The following SLC28A3 variants were observed in gnomAD, a reference collection of about 807,000 sequenced individuals.
SLC28A3 encodes the protein solute carrier family 28 member 3.
In SLC28A3, 68 loss-of-function variants were observed where a neutral mutation model predicts 84.2. That is an observed-to-expected ratio of 0.81 (90% CI 0.66 to 0.99). SLC28A3 has a LOEUF of 0.99. SLC28A3 is among the 50% of genes least tolerant of loss of function. SLC28A3 has a pLI of 0.00. For missense variants in SLC28A3, 712 were observed against 841.5 expected, an observed-to-expected ratio of 0.85 and a Z score of 1.90; for synonymous variants, 267 against 303.6, an observed-to-expected ratio of 0.88 and a Z score of 1.25.
chr9:84,309,523 C>CA (rs71366931), intron 3 of SLC28A3, 106 bp downstream of exon 3: 16,144 of 237,710 alleles, frequency 0.068, 628 homozygotes, highest in African/African-American at 0.096. Context: ...ACTCTTATCT[C>CA]AAAAAAAAAA....
chr9:84,341,170 C>T (rs2118648444), upstream of SLC28A3, among the ~76,000 whole-genome samples: 1 of 152,152 alleles, frequency 6.6e-6, no homozygotes, highest in African/African-American at 2.4e-5. Context: ...GGGGTTTCAC[C>T]ATGTTGGCCA....
At chr9:84,343,183 C>CAA (rs35239520), upstream of SLC28A3, among the ~76,000 whole-genome samples, 2 of 143,406 alleles carry the variant, frequency 1.4e-5, no homozygotes, top group South Asian at 4.5e-4. Context: ...GACTCCATCT[C>CAA]AAAAAAAAAA....
chr9:84,313,001 G>C (rs1331506800), intron 2 of SLC28A3, among the ~76,000 whole-genome samples: 1 of 152,202 alleles, frequency 6.6e-6, no homozygotes, highest in African/African-American at 2.4e-5. Context: ...GCGAGTGCAT[G>C]ATGGACCCAG....
In SLC28A3 at chr9:84,326,055, T is replaced by C. The variant is rs138800427; in HGVS notation, c.61-12601A>G. 3.3e-4 allele frequency among the ~76,000 whole-genome samples: 50 copies of C among 152,258 alleles called. No individual in the cohort carries two copies. In the East Asian group the frequency reaches 8.9e-3, roughly 27 times the overall value. On this transcript the variant is annotated intron_variant, in intron 1 of 17. Transcript: ENST00000376238. ...ATCGTGGCTTTGAGTGGAAATCGTG[T>C]TGTGCTTTTGTCTGCATGTATCTGC...
upstream of SLC28A3, among the ~76,000 whole-genome samples, chr9:84,343,795 G>T (rs1017920669): frequency 6.6e-6 from 1 of 152,098 alleles, no homozygotes; most frequent in African/African-American, 2.4e-5. Flanking sequence ...AATACCACAC[G>T]GCTCAAAGAC....
upstream of SLC28A3, among the ~76,000 whole-genome samples, chr9:84,342,144 AGAAAAG>A (rs1343012091): frequency 3.6e-3 from 373 of 103,398 alleles, 5 homozygotes; most frequent in African/African-American, 0.02. Flanking sequence ...AAAAAAAAAA[AGAAAAG>A]AAAAAGAAAA....
intron 1 of SLC28A3, among the ~76,000 whole-genome samples, chr9:84,321,933 AC>A (rs1396615945): frequency 6.7e-6 from 1 of 149,098 alleles, no homozygotes; most frequent in African/African-American, 2.5e-5. Context: ...GCCTGTAATC[AC>A]AGCTACTCAG....
chr9:84,334,692 C>G (rs918116583), intron 1 of SLC28A3, among the ~76,000 whole-genome samples: 2 of 151,856 alleles, frequency 1.3e-5, no homozygotes, highest in Non-Finnish European at 2.9e-5. Flanking sequence ...AGGTCTTCCC[C>G]TTCCCCGCCC....
rs556329524 is a variant in SLC28A3 at position 84,280,893 on chromosome 9, G to A, written c.1648-11C>T. ...TATCTCAGAACGAATCTGTAAGCAA[G>A]CATAAACACATATGTATACACAATC... On this transcript the variant is annotated splice_polypyrimidine_tract_variant and intron_variant, in intron 14 of 17. Transcript: ENST00000376238. 1.2e-6 allele frequency: 2 copies of A among 1,613,558 alleles called. No homozygotes were observed. The highest frequency in any genetic ancestry group is 2.2e-5 in the East Asian group (1 of 44,870).
chr9:84,284,872 GTTAC>G (rs1215881181), intron 14 of SLC28A3, among the ~76,000 whole-genome samples: 1 of 152,176 alleles, frequency 6.6e-6, no homozygotes, highest in Admixed American at 6.5e-5. Flanking sequence ...GTCCAGGCAT[GTTAC>G]TTTTGGACAG....
intron 9 of SLC28A3, among the ~76,000 whole-genome samples, chr9:84,293,783 C>T (rs1825319555): frequency 6.6e-6 from 1 of 152,142 alleles, no homozygotes; most frequent in Non-Finnish European, 1.5e-5. Flanking sequence ...ACCTCCAAAA[C>T]CAGAAGTGTC....
the SLC28A3 span, among the ~76,000 whole-genome samples, chr9:84,364,187 C>A: frequency 2.6e-4 from 38 of 146,344 alleles, no homozygotes; most frequent in African/African-American, 8.9e-4. Flanking sequence ...TGCAATGGCA[C>A]GATCTCGGCT....
the SLC28A3 span, among the ~76,000 whole-genome samples, chr9:84,360,809 A>C: frequency 4.7e-4 from 72 of 152,170 alleles, no homozygotes; most frequent in African/African-American, 1.6e-3. Flanking sequence ...CTTGCTAATC[A>C]GGAGGCTGAG....
intron 6 of SLC28A3, among the ~76,000 whole-genome samples, chr9:84,298,650 A>T (rs1308479780): frequency 6.6e-6 from 1 of 152,234 alleles, no homozygotes; most frequent in Non-Finnish European, 1.5e-5. Context: ...GAATCTGGCC[A>T]TCCTAGTCAA....
At position 84,278,053 on chromosome 9, in the gene SLC28A3, G is replaced by C; in HGVS notation, c.*165C>G. On this transcript the variant is annotated 3_prime_UTR_variant, in exon 18 of 18. Coordinates refer to ENST00000376238, the MANE Select transcript of SLC28A3 (RefSeq NM_001199633.2). Reference sequence around the variant, plus strand: ...TGGGGAGGGAGGGGAGGAGGAAAATGTTGTAGCTTTGAAGGTCCACTCTTG... The same window carrying C: ...TGGGGAGGGAGGGGAGGAGGAAAATCTTGTAGCTTTGAAGGTCCACTCTTG... 1 of 902,528 alleles carries C rather than the reference G, an allele frequency of 1.1e-6. No individual in the cohort carries two copies. The highest frequency in any genetic ancestry group is 1.6e-6 in the Non-Finnish European group (1 of 624,604). 55.9% of individuals were successfully genotyped at this position (902,528 alleles called of 1,614,324 possible).
At chr9:84,300,761 GTC>G (rs921218684) in intron 5 of SLC28A3, among the ~76,000 whole-genome samples, 1 of 152,106 alleles carries the variant, frequency 6.6e-6, no homozygotes. Flanking sequence ...ATGGGAAAGG[GTC>G]TCTCTAACAC....
Position 84,278,253 on chromosome 9 carries a change from TC to T in SLC28A3, c.2040del (p.Thr681ProfsTer26), listed in dbSNP as rs773886517. ...LKGCCTLLNP[S>X]TFNCNGISNT... ...TTAGAGATCCCATTGCAGTTAAAGG[TC>T]GATGGATTCAACAATGTGCAGCAGC... On this transcript the variant is annotated frameshift_variant, in exon 18 of 18. Transcript: ENST00000376238. LOFTEE classifies it high-confidence loss of function. 6.2e-7 allele frequency: 1 copy of T among 1,613,892 alleles called. No individual in the cohort carries two copies. Among genetic ancestry groups the T allele is most frequent in the South Asian group, 1.1e-5 (1 of 91,068 alleles).
At chr9:84,355,972 A>C in the SLC28A3 span, among the ~76,000 whole-genome samples, 4 of 151,562 alleles carry the variant, frequency 2.6e-5, no homozygotes, top group Non-Finnish European at 4.4e-5. Context: ...ACCCCACCAC[A>C]CCCAGCTAAT....
chr9:84,327,925 C>CAAAAAAA (rs60624658), intron 1 of SLC28A3, among the ~76,000 whole-genome samples: 36 of 107,332 alleles, frequency 3.4e-4, no homozygotes, highest in African/African-American at 1.2e-3. Flanking sequence ...GACTCCATTT[C>CAAAAAAA]AAAAAAAAAA....
Sources: allele counts gnomAD v4.1 joint callset (sites outside exome capture counted in the v4.1 genomes callset), GRCh38; gene constraint gnomAD v4.1.1; transcripts MANE v1.5; gene names NCBI Gene and HGNC (gene_info 2026-07-23, HGNC 2026-07-21).